The following VPS13B variants were observed in gnomAD, a reference collection of about 807,000 sequenced individuals.
VPS13B encodes the protein intermembrane lipid transfer protein VPS13B.
VPS13B carries 285 observed loss-of-function variants against 426.4 expected under a neutral mutation model. The observed-to-expected ratio is 0.67, with a 90% confidence interval of 0.61 to 0.74. The LOEUF is 0.74. VPS13B is among the 30% of genes least tolerant of loss of function. The pLI is 0.00. For missense variants in VPS13B, 4,537 were observed against 4,782.6 expected (o/e 0.95, Z 1.51); for synonymous variants, 1,676 against 1,676.4 (o/e 1.00, Z 0.01).
intron 3 of VPS13B, among the ~76,000 whole-genome samples, chr8:99,060,597 C>T (rs368250795): frequency 8.6e-5 from 12 of 139,896 alleles, no homozygotes; most frequent in East Asian, 4.1e-4. Flanking sequence ...TGATAGAGCG[C>T]GACTTCATCT....
chr8:99,171,006 C>A (rs1812298779), intron 16 of VPS13B, among the ~76,000 whole-genome samples: 1 of 151,488 alleles, frequency 6.6e-6, no homozygotes, highest in Non-Finnish European at 1.5e-5. Context: ...AAATTTGTTT[C>A]TTTAATAATA....
chr8:99,018,419 A>G (rs781462461), intron 2 of VPS13B, among the ~76,000 whole-genome samples: 5 of 152,168 alleles, frequency 3.3e-5, no homozygotes, highest in Non-Finnish European at 5.9e-5. Context: ...CTATTTTTAA[A>G]TAATTTGTTA....
chr8:99,424,497 T>G (rs967192111), intron 21 of VPS13B: 10 of 152,224 alleles, frequency 6.6e-5, no homozygotes, highest in Admixed American at 1.3e-4. Context: ...AATAAAGATG[T>G]TCTTTGAAAT....
chr8:99,800,616 TA>T (rs1169292549), intron 43 of VPS13B, among the ~76,000 whole-genome samples: 1 of 152,182 alleles, frequency 6.6e-6, no homozygotes, highest in Non-Finnish European at 1.5e-5. Context: ...CACTTAGATT[TA>T]ATTTTTTTTT....
intron 43 of VPS13B, among the ~76,000 whole-genome samples, chr8:99,789,235 C>T (rs1812424915): frequency 6.6e-6 from 1 of 152,086 alleles, no homozygotes; most frequent in Non-Finnish European, 1.5e-5. Context: ...TTCTTAGTTA[C>T]TATGCTTTAC....
intron 23 of VPS13B, among the ~76,000 whole-genome samples, chr8:99,463,780 C>T (rs977279196): frequency 4.6e-5 from 7 of 152,088 alleles, no homozygotes; most frequent in Admixed American, 1.3e-4. Flanking sequence ...GGAGCCTCCG[C>T]CTCCCGAGTT....
intron 39 of VPS13B, among the ~76,000 whole-genome samples, chr8:99,752,719 C>G (rs968037776): frequency 6.6e-6 from 1 of 152,200 alleles, no homozygotes; most frequent in African/African-American, 2.4e-5. Context: ...AGTTGCCTAT[C>G]TGTACTATAG....
At chr8:99,620,809 T>TAA (rs769886969) in intron 33 of VPS13B, among the ~76,000 whole-genome samples, 2 of 142,728 alleles carry the variant, frequency 1.4e-5, no homozygotes, top group African/African-American at 5.1e-5. Context: ...CTGTCTCTAC[T>TAA]AAAAAAAAAA....
chr8:99,170,974 T>A (rs1310027005), intron 16 of VPS13B, among the ~76,000 whole-genome samples: 1 of 151,808 alleles, frequency 6.6e-6, no homozygotes, highest in East Asian at 1.9e-4. Context: ...TAATTTCTTA[T>A]CTAAAATACT....
chr8:99,606,175 G>C (rs564426867), intron 33 of VPS13B, among the ~76,000 whole-genome samples: 28 of 152,014 alleles, frequency 1.8e-4, no homozygotes, highest in Non-Finnish European at 3.1e-4. Flanking sequence ...CAAAATGCTG[G>C]GATTATAGGC....
intron 17 of VPS13B, among the ~76,000 whole-genome samples, chr8:99,263,984 G>A (rs1818177970): frequency 6.6e-6 from 1 of 151,990 alleles, no homozygotes; most frequent in Non-Finnish European, 1.5e-5. Flanking sequence ...TTATAAACAT[G>A]TATGTATGAG....
intron 19 of VPS13B, among the ~76,000 whole-genome samples, chr8:99,332,814 T>G (rs371927992): frequency 8.6e-5 from 13 of 151,868 alleles, no homozygotes; most frequent in East Asian, 3.9e-4. Flanking sequence ...TTATTTATGT[T>G]GAAATTCTAC....
At chr8:99,459,042 T>C (rs1308453179) in intron 23 of VPS13B, among the ~76,000 whole-genome samples, 1 of 152,230 alleles carries the variant, frequency 6.6e-6, no homozygotes, top group Non-Finnish European at 1.5e-5. Context: ...CTAGGGTTTT[T>C]ATGGTTTTAG....
At chr8:99,873,388 C>CA (rs1817532092) in intron 61 of VPS13B, 1 of 152,132 alleles carries the variant, frequency 6.6e-6, no homozygotes. Flanking sequence ...ATTGTGGAAT[C>CA]AGAGAAGCAA....
intron 33 of VPS13B, among the ~76,000 whole-genome samples, chr8:99,602,730 A>T (rs940084756): frequency 3.3e-5 from 5 of 149,340 alleles, no homozygotes; most frequent in Admixed American, 6.6e-5. Flanking sequence ...GCATTCCTAT[A>T]CACCAATAAT....
chr8:99,875,609 C>T lies in VPS13B; in HGVS notation c.11937C>T (p.Val3979=). Residue 3979 remains valine (V), a synonymous_variant, in exon 62 of 62, where the codon GTC becomes GTT. Coordinates refer to ENST00000357162, the MANE Select transcript of VPS13B (RefSeq NM_152564.5). ...HYLVDPHFAQ[V]FLSKFTMVKN... ...TGGTTGATCCACATTTTGCTCAGGTCTTCCTTAGTAAATTTACCATGGTGA... is the reference window on the plus strand; with the variant it reads ...TGGTTGATCCACATTTTGCTCAGGTTTTCCTTAGTAAATTTACCATGGTGA... The T allele has an allele frequency of 7.4e-6, 12 of 1,614,196 alleles. No individual in the cohort carries two copies. Among genetic ancestry groups the T allele is most frequent in the Non-Finnish European group, 1.0e-5 (12 of 1,180,042 alleles).
chr8:99,441,696 C>T (rs1427685488), intron 22 of VPS13B, among the ~76,000 whole-genome samples: 1 of 152,014 alleles, frequency 6.6e-6, no homozygotes, highest in African/African-American at 2.4e-5. Context: ...GTCCTGGCAA[C>T]TTAATGTAAC....
chr8:99,447,666 A>G (rs1202019280), intron 23 of VPS13B, among the ~76,000 whole-genome samples: 2 of 152,124 alleles, frequency 1.3e-5, no homozygotes, highest in Non-Finnish European at 2.9e-5. Context: ...TAATAAGTTT[A>G]AGAAGATATC....
chr8:99,463,641 A>G (rs902183922), intron 23 of VPS13B, among the ~76,000 whole-genome samples: 3 of 152,138 alleles, frequency 2.0e-5, no homozygotes, highest in Admixed American at 2.0e-4. Flanking sequence ...TAAAGTACCT[A>G]TTACTTAAAT....
Sources: allele counts gnomAD v4.1 joint callset (sites outside exome capture counted in the v4.1 genomes callset), GRCh38; gene constraint gnomAD v4.1.1; transcripts MANE v1.5; gene names NCBI Gene and HGNC (gene_info 2026-07-23, HGNC 2026-07-21).